FNTB: variants seen among roughly 807,000 people sequenced by gnomAD.
FNTB encodes farnesyltransferase, CAAX box, subunit beta.
A neutral mutation model predicts 59.4 loss-of-function variants in FNTB; 27 were observed. The ratio of observed to expected loss-of-function variants is 0.45; its 90% CI spans 0.34 to 0.63. The LOEUF (loss-of-function observed/expected upper bound fraction) is 0.63, where lower values mean the gene tolerates loss of function less well. FNTB is among the 20% of genes least tolerant of loss of function. FNTB has a pLI of 0.02. For missense variants in FNTB, 449 were observed against 559.6 expected, an observed-to-expected ratio of 0.80 and a Z score of 1.99; for synonymous variants, 230 against 220.7, an observed-to-expected ratio of 1.04 and a Z score of -0.37.
rs1323081594 is a variant in FNTB at position 65,004,447 on chromosome 14, A to T, written c.209+134A>T. ...AATGGTGTTTCTTGTCCTTGTGGTT[A>T]CCTGGATATGCTAAGACCCCCACTC... On this transcript the variant is annotated intron_variant, in intron 2 of 11. Transcript: ENST00000246166. The T allele has an allele frequency of 1.1e-5, 10 of 941,690 alleles. No individual in the cohort carries two copies. The Admixed American group carries it at 2.2e-4, about 21-fold the overall frequency. The allele number at this position is 941,690 out of a possible 1,614,324, so 58.3% of individuals were successfully genotyped here.
chr14:65,047,870 C>G lies in FNTB; in HGVS notation c.955+3427C>G, dbSNP rs1337239826. Reference sequence around the variant, plus strand: ...CTGGAGCAGTGCCTGGGCACACAGCCCGAGATGTACACAGCTTTTCCTGGA... The same window carrying G: ...CTGGAGCAGTGCCTGGGCACACAGCGCGAGATGTACACAGCTTTTCCTGGA... On this transcript the variant is annotated intron_variant, in intron 9 of 11. Coordinates refer to ENST00000246166, the MANE Select transcript of FNTB (RefSeq NM_002028.4). The surrounding 1 kb of genome is among the most constrained non-coding windows in gnomAD (Gnocchi z 5.2). Among the ~76,000 whole-genome samples the G allele has an allele frequency of 6.6e-6, 1 of 152,002 alleles. No individual in the cohort carries two copies. Among genetic ancestry groups the G allele is most frequent in the Non-Finnish European group, 1.5e-5 (1 of 68,000 alleles).
In FNTB at chr14:64,990,086, A is replaced by G. The variant is rs960573911; in HGVS notation, c.144+2989A>G. The stretch of plus-strand genomic sequence containing the variant: ...TGGGCAGAGAAAGCAGCAAGCACAA[A>G]GGACCAAGGCAGCAGAATGCCAGGT... On this transcript the variant is annotated intron_variant, in intron 1 of 11. Transcript: ENST00000246166. The surrounding 1 kb of genome is among the most constrained non-coding windows in gnomAD (Gnocchi z 5.2). Among the ~76,000 whole-genome samples the G allele has an allele frequency of 2.0e-5, 3 of 152,202 alleles. No homozygotes were observed. Among genetic ancestry groups the G allele is most frequent in the Non-Finnish European group, 4.4e-5 (3 of 68,020 alleles).
At position 65,027,037 on chromosome 14, in the gene FNTB, T is replaced by C. The variant is rs1175448202; in HGVS notation, c.375-416T>C. ...TGTGGAAAGAAGCAGTTGAGCACCA[T>C]GTTTTGGCAAAATTCAAAGGCTGGG... On this transcript the variant is annotated intron_variant, in intron 4 of 11. Transcript: ENST00000246166. The surrounding 1 kb of genome is among the most constrained non-coding windows in gnomAD (Gnocchi z 5.7). Among the ~76,000 whole-genome samples the C allele has an allele frequency of 6.6e-6, 1 of 151,994 alleles. No homozygotes were observed. Among genetic ancestry groups the C allele is most frequent in the Non-Finnish European group, 1.5e-5 (1 of 68,002 alleles).
At chr14:65,017,919 C>T (rs147683247) in intron 4 of FNTB, among the ~76,000 whole-genome samples, 265 of 152,192 alleles carry the variant, frequency 1.7e-3, no homozygotes, top group Non-Finnish European at 3.3e-3. Flanking sequence ...TGCGCCTTTG[C>T]ACTCCAGTCC....
chr14:65,049,307 G>A (rs2139661810), intron 9 of FNTB, among the ~76,000 whole-genome samples: 1 of 152,290 alleles, frequency 6.6e-6, no homozygotes, highest in Non-Finnish European at 1.5e-5. Flanking sequence ...GCCTACCTGT[G>A]AAATTGAGCT....
At chr14:64,987,239 C>T in intron 1 of FNTB, 142 bp downstream of exon 1, 1 of 1,023,036 alleles carries the variant, frequency 9.8e-7, no homozygotes, top group Non-Finnish European at 1.4e-6. Context: ...CTGGGAAGCT[C>T]CGGGCGCCCA....
chr14:65,043,269 G>C (rs2062392161), intron 8 of FNTB, among the ~76,000 whole-genome samples: 1 of 152,210 alleles, frequency 6.6e-6, no homozygotes, highest in African/African-American at 2.4e-5. Flanking sequence ...TTGTAGTAGA[G>C]TGTGTTTAGA....
At position 65,007,653 on chromosome 14, in the gene FNTB, G is replaced by C. The variant is rs180822152; in HGVS notation, c.209+3340G>C. Among the ~76,000 whole-genome samples the C allele has an allele frequency of 2.8e-3, 424 of 152,256 alleles. 3 individuals are homozygous for C. Among genetic ancestry groups the C allele is most frequent in the African/African-American group, 9.5e-3 (396 of 41,538 alleles). On this transcript the variant is annotated intron_variant, in intron 2 of 11. Coordinates refer to ENST00000246166, the MANE Select transcript of FNTB (RefSeq NM_002028.4). The surrounding 1 kb of genome is among the most constrained non-coding windows in gnomAD (Gnocchi z 4.9). ...CAGTCCCAAGGAGCTTTTTGACCAT[G>C]CTTTTCATGGTTTTGTTTATTCATG...
chr14:65,023,216 G>T lies in FNTB; in HGVS notation c.375-4237G>T, dbSNP rs1328282963. On this transcript the variant is annotated intron_variant, in intron 4 of 11. Transcript: ENST00000246166. This position sits in a 1 kb window ranked among gnomAD's most constrained non-coding sequence, Gnocchi z 4.1. ...TGGGGCTAGAGGTGGGTGCCAACGT[G>T]CCTGGTTAATTTTTATAATTCTTGT... Among the ~76,000 whole-genome samples the T allele has an allele frequency of 6.6e-6, 1 of 152,116 alleles. No individual in the cohort carries two copies. The highest frequency in any genetic ancestry group is 1.5e-5 in the Non-Finnish European group (1 of 68,022).
chr14:64,987,246 CCCAGGCTTGGGCTTCGT>C (rs1887982762), intron 1 of FNTB, 149 bp downstream of exon 1: 5 of 960,186 alleles, frequency 5.2e-6, no homozygotes, highest in Non-Finnish European at 7.7e-6. Flanking sequence ...GCTCCGGGCG[CCCAGGCTTGGGCTTCGT>C]CGTGGAGCGT....
At chr14:65,046,706 G>T (rs1566571682) in intron 9 of FNTB, among the ~76,000 whole-genome samples, 1 of 152,150 alleles carries the variant, frequency 6.6e-6, no homozygotes, top group Non-Finnish European at 1.5e-5. Context: ...GACTTTGGGA[G>T]TCAAAAGGGG....
intron 3 of FNTB, among the ~76,000 whole-genome samples, chr14:65,013,601 G>A: frequency 6.6e-6 from 1 of 152,218 alleles, no homozygotes; most frequent in East Asian, 1.9e-4. Flanking sequence ...CCAGGCTGGA[G>A]TGCAGTGGCA....
rs948501249 is a variant in FNTB at position 65,054,867 on chromosome 14, T to C, written c.1182+178T>C. Among the ~76,000 whole-genome samples the C allele has an allele frequency of 6.6e-6, 1 of 152,232 alleles. No individual in the cohort carries two copies. The highest frequency in any genetic ancestry group is 1.5e-5 in the Non-Finnish European group (1 of 68,040). ...GATGTGACCACAGAGGAGACGCACC[T>C]CTGGGCAAGCTCAGGGTTCCAGATG... On this transcript the variant is annotated intron_variant, in intron 11 of 11. Coordinates refer to ENST00000246166, the MANE Select transcript of FNTB (RefSeq NM_002028.4). This position sits in a 1 kb window ranked among gnomAD's most constrained non-coding sequence, Gnocchi z 4.4.
chr14:65,020,330 C>T (rs557269623), intron 4 of FNTB, among the ~76,000 whole-genome samples: 127 of 152,372 alleles, frequency 8.3e-4, no homozygotes, highest in African/African-American at 2.8e-3. Context: ...CTGGGCTGGT[C>T]TCAATCTCCT....
At chr14:65,016,252 C>G (rs1373920576) in intron 4 of FNTB, among the ~76,000 whole-genome samples, 1 of 152,198 alleles carries the variant, frequency 6.6e-6, no homozygotes, top group Non-Finnish European at 1.5e-5. Context: ...GATTAGAGAT[C>G]TAAGCAACTG....
intron 9 of FNTB, among the ~76,000 whole-genome samples, chr14:65,045,102 TAGTG>T (rs1409438541): frequency 3.9e-5 from 6 of 152,130 alleles, no homozygotes; most frequent in Non-Finnish European, 7.4e-5. Flanking sequence ...CCGAAGTAGT[TAGTG>T]AGCAAAAAGT....
Position 65,061,886 on chromosome 14 carries a change from G to A in FNTB, c.*574G>A, listed in dbSNP as rs2062871415. ...GGTGGGGAGAGAAAGATCTCCTTCA[G>A]TTGGGAGTCCTTCCACTTCAACACT... On this transcript the variant is annotated 3_prime_UTR_variant, in exon 12 of 12. Coordinates refer to ENST00000246166, the MANE Select transcript of FNTB (RefSeq NM_002028.4). The A allele has an allele frequency of 6.5e-6, 1 of 154,920 alleles. No individual in the cohort carries two copies. Among genetic ancestry groups the A allele is most frequent in the South Asian group, 2.0e-4 (1 of 5,060 alleles). The allele number at this position is 154,920 out of a possible 1,614,324, so 9.6% of individuals were successfully genotyped here.
At chr14:65,043,508 C>G (rs2062398215) in intron 8 of FNTB, among the ~76,000 whole-genome samples, 1 of 152,122 alleles carries the variant, frequency 6.6e-6, no homozygotes, top group Non-Finnish European at 1.5e-5. Flanking sequence ...AAGTCAGGAG[C>G]AGTTTGAGAT....
In FNTB at chr14:65,030,952, C is replaced by T. The variant is rs2062069099; in HGVS notation, c.606-1658C>T. On this transcript the variant is annotated intron_variant, in intron 6 of 11. Transcript: ENST00000246166. This position sits in a 1 kb window ranked among gnomAD's most constrained non-coding sequence, Gnocchi z 4.5. ...TCTCCCAAGTAGCTGGGATTACAGG[C>T]GTGTGCCACCATGCCCAGCTAATTT... 2.0e-5 allele frequency among the ~76,000 whole-genome samples: 3 copies of T among 152,154 alleles called. No individual in the cohort carries two copies. The highest frequency in any genetic ancestry group is 1.9e-4 in the East Asian group (1 of 5,162).
Sources: allele counts gnomAD v4.1 joint callset (sites outside exome capture counted in the v4.1 genomes callset), GRCh38; gene constraint gnomAD v4.1.1; non-coding constraint Gnocchi (gnomAD v3.1); transcripts MANE v1.5; gene names NCBI Gene and HGNC (gene_info 2026-07-23, HGNC 2026-07-21).